The following LIPJ variants were observed in gnomAD, a reference collection of about 807,000 sequenced individuals.
LIPJ encodes the protein lipase member J.
A neutral mutation model predicts 39.8 loss-of-function variants in LIPJ; 33 were observed. The observed-to-expected ratio is 0.83, with a 90% CI of 0.63 to 1.11. LIPJ has a LOEUF of 1.11. Among genes scored for constraint, LIPJ ranks in the 50% least tolerant of loss-of-function variants. The pLI, the probability that LIPJ is intolerant of heterozygous loss-of-function variation, is 0.00. For synonymous variants in LIPJ, 128 were observed against 139.2 expected (o/e 0.92, Z 0.57); for missense variants, 422 against 427.9 (o/e 0.99, Z 0.12).
At chr10:88,622,879 A>T in the LIPJ span, among the ~76,000 whole-genome samples, 83 of 152,260 alleles carry the variant, frequency 5.5e-4, no homozygotes, top group Non-Finnish European at 8.8e-4. Flanking sequence ...AAACAAGGAG[A>T]TCTGTTAAGA....
chr10:88,598,106 A>C (rs937722647), intron 8 of LIPJ, among the ~76,000 whole-genome samples: 3 of 151,952 alleles, frequency 2.0e-5, no homozygotes, highest in Non-Finnish European at 4.4e-5. Context: ...AGGAAGTTGG[A>C]AGTAGAAAAT....
upstream of LIPJ, among the ~76,000 whole-genome samples, chr10:88,582,915 A>AGGCGCGCCACTC (rs757167889): frequency 3.9e-5 from 6 of 152,050 alleles, no homozygotes; most frequent in Non-Finnish European, 8.8e-5. Flanking sequence ...TCACGTGACG[A>AGGCGCGCCACTC]GGCGCGCCAC....
chr10:88,594,221 T>G, intron 5 of LIPJ, 77 bp downstream of exon 5: 1 of 1,069,786 alleles, frequency 9.3e-7, no homozygotes, highest in Non-Finnish European at 1.3e-6. Flanking sequence ...AAAATAAAAT[T>G]TAGGTCTTAC....
intron 9 of LIPJ, among the ~76,000 whole-genome samples, chr10:88,604,653 G>A (rs1161370915): frequency 2.6e-5 from 4 of 152,172 alleles, no homozygotes; most frequent in Non-Finnish European, 4.4e-5. Context: ...CTTATGTAAT[G>A]AAAAGGTAAT....
intron 8 of LIPJ, among the ~76,000 whole-genome samples, chr10:88,600,602 C>G (rs1325656612): frequency 6.6e-6 from 1 of 152,152 alleles, no homozygotes; most frequent in Non-Finnish European, 1.5e-5. Flanking sequence ...TCTGCATCTG[C>G]TTTTGCTGAT....
In LIPJ at chr10:88,601,072, C is replaced by A. The variant is rs576413894; in HGVS notation, c.724-1504C>A. Among the ~76,000 whole-genome samples the A allele has an allele frequency of 2.9e-4, 44 of 152,124 alleles. No homozygotes were observed. The East Asian group carries it at 5.6e-3, about 19-fold the overall frequency. ...CAGGCAATTCTCCTCTCTCAGCCTC[C>A]CAAGTAGCTCAGACTACCGACACAC... On this transcript the variant is annotated intron_variant, in intron 8 of 10. Coordinates refer to ENST00000371939, the Ensembl canonical transcript of LIPJ.
At chr10:88,613,770 G>GTATA in the LIPJ span, among the ~76,000 whole-genome samples, 712 of 75,432 alleles carry the variant, frequency 9.4e-3, 12 homozygotes, top group Middle Eastern at 0.022. Context: ...ATGTGTGTGT[G>GTATA]TATATATATA....
the LIPJ span, among the ~76,000 whole-genome samples, chr10:88,617,847 T>C: frequency 6.6e-6 from 1 of 152,214 alleles, no homozygotes; most frequent in Non-Finnish European, 1.5e-5. Flanking sequence ...CCAAGTCATA[T>C]CAAATAATTT....
the LIPJ span, among the ~76,000 whole-genome samples, chr10:88,620,578 G>C: frequency 6.6e-6 from 1 of 151,964 alleles, no homozygotes; most frequent in African/African-American, 2.4e-5. Flanking sequence ...AATCATGTGG[G>C]GAAGGACCTC....
chr10:88,596,211 G>T, intron 6 of LIPJ, 69 bp from the exon 7 acceptor site: 1 of 1,007,810 alleles, frequency 9.9e-7, no homozygotes, highest in Non-Finnish European at 1.3e-6. Flanking sequence ...TATTCTCCTT[G>T]GTGTCATCTC....
chr10:88,602,549 GCT>G (rs1491287469), intron 8 of LIPJ, 25 bp from the exon 9 acceptor site: 1 of 1,244,130 alleles, frequency 8.0e-7, no homozygotes, highest in Middle Eastern at 2.2e-4. Flanking sequence ...ATATAAAAAT[GCT>G]TTTTTTTTTT....
At chr10:88,583,290 T>G, upstream of LIPJ, 1 of 1,541,586 alleles carries the variant, frequency 6.5e-7, no homozygotes, top group Non-Finnish European at 8.7e-7. Flanking sequence ...GCTCTTTGGT[T>G]CCGTGCTCCC....
intron 5 of LIPJ, chr10:88,594,361 AG>A (rs1395069881): frequency 3.7e-6 from 2 of 536,094 alleles, no homozygotes; most frequent in African/African-American, 3.9e-5. Context: ...TTTCTTACTT[AG>A]TACCTTACTG....
At chr10:88,593,102 C>T (rs1296326215) in intron 4 of LIPJ, 1 of 151,882 alleles carries the variant, frequency 6.6e-6, no homozygotes, top group Non-Finnish European at 1.5e-5. Flanking sequence ...ATGTATTTCT[C>T]CCTTTCCTCG....
chr10:88,594,723 A>G, exon 6 of LIPJ: 3 of 1,575,368 alleles, frequency 1.9e-6, no homozygotes, highest in Non-Finnish European at 2.6e-6. Context: ...ACTGTGAAGC[A>G]AACCAGACAA....
intron 8 of LIPJ, 104 bp from the exon 9 acceptor site, chr10:88,602,467 TTTAAA>T (rs1431316432): frequency 9.5e-6 from 6 of 633,920 alleles, no homozygotes; most frequent in Non-Finnish European, 1.5e-5. Flanking sequence ...TATGATTAAT[TTTAAA>T]TTAAATTTTC....
At chr10:88,602,507 A>G (rs1851524334) in intron 8 of LIPJ, 69 bp from the exon 9 acceptor site, 5 of 1,038,306 alleles carry the variant, frequency 4.8e-6, no homozygotes, top group Non-Finnish European at 6.9e-6. Context: ...TTCAATAAAT[A>G]TTAAAAGATT....
chr10:88,613,862 ATATG>A, the LIPJ span, among the ~76,000 whole-genome samples: 1 of 145,870 alleles, frequency 6.9e-6, no homozygotes, highest in Admixed American at 6.9e-5. Context: ...ATGTGTATAT[ATATG>A]TATCTTATAT....
chr10:88,592,892 C>G (rs17109630), intron 4 of LIPJ: 7 of 151,952 alleles, frequency 4.6e-5, no homozygotes, highest in Admixed American at 2.6e-4. Flanking sequence ...AAGGCCATAA[C>G]TAGTACTCAT....
Sources: gnomAD v4.1 joint callset for allele counts (sites outside exome capture counted in the v4.1 genomes callset) on GRCh38, gnomAD v4.1.1 for gene constraint, MANE v1.5 for transcripts, NCBI Gene and HGNC (gene_info 2026-07-23, HGNC 2026-07-21) for gene names.